The following MED16 variants were observed in gnomAD, a reference collection of about 807,000 sequenced individuals.
The protein encoded by MED16 is mediator complex subunit 16.
MED16 carries 81 observed loss-of-function variants against 84.4 expected under a neutral mutation model. The ratio of observed to expected loss-of-function variants is 0.96; its 90% confidence interval spans 0.80 to 1.15. The LOEUF is 1.15. Ranked by LOEUF, MED16 falls within the 50% of genes most tolerant of loss-of-function variation. The pLI, the probability that MED16 is intolerant of heterozygous loss-of-function variation, is 0.00. For synonymous variants in MED16, 897 were observed against 552.2 expected, an observed-to-expected ratio of 1.62 and a Z score of -8.76; for missense variants, 1,585 against 1,245.9, an observed-to-expected ratio of 1.27 and a Z score of -4.10.
At chr19:884,023 C>A (rs957594357) in intron 6 of MED16, among the ~76,000 whole-genome samples, 3 of 152,140 alleles carry the variant, frequency 2.0e-5, no homozygotes, top group Non-Finnish European at 4.4e-5. Context: ...GACATAACCA[C>A]CTGCAGGCCC....
At chr19:873,204 T>C (rs867643628) in intron 11 of MED16, 2 of 512,536 alleles carry the variant, frequency 3.9e-6, no homozygotes, top group Non-Finnish European at 6.4e-6. Flanking sequence ...GAAGTGGGGG[T>C]TTAAGAAGAG....
In MED16 at chr19:891,012, G is replaced by A. The variant is rs746287943; in HGVS notation, c.120C>T (p.Ser40=). The A allele has an allele frequency of 6.2e-7, 1 of 1,613,996 alleles. No homozygotes were observed. Among genetic ancestry groups the A allele is most frequent in the African/African-American group, 1.3e-5 (1 of 74,948 alleles). ...TGGTGAAGGCGATGAGATTTCGGCA[G>A]GACCAGGCGCAGGCCAGGGGCACCG... is the stretch of plus-strand genomic sequence containing the variant. ...CPSVPLACAW[S]CRNLIAFTMD... The change falls in exon 2 of 16, where the codon TCC becomes TCT. Residue 40 remains serine, a synonymous_variant. Coordinates refer to ENST00000325464, the MANE Select transcript of MED16 (RefSeq NM_005481.3).
rs1394960815 is a variant in MED16, at chr19:871,770, G to A, written c.2098+156C>T. ...TGTTTTGGTAGGGAGAGGGGAGCGGGGAGAGGGGAGAGGGGAGAGCGGGGA... is the reference window on the plus strand; with the variant it reads ...TGTTTTGGTAGGGAGAGGGGAGCGGAGAGAGGGGAGAGGGGAGAGCGGGGA... On this transcript the variant is annotated intron_variant, in intron 12 of 15. Coordinates refer to ENST00000325464, the MANE Select transcript of MED16 (RefSeq NM_005481.3). The A allele has an allele frequency of 4.0e-5, 18 of 444,722 alleles. 1 individual carries two copies. The highest frequency in any genetic ancestry group is 9.1e-5 in the Admixed American group (3 of 32,912). 27.5% of individuals were successfully genotyped at this position (444,722 alleles called of 1,614,324 possible). A position where few individuals can be genotyped will look rare whatever the true frequency, so the allele number is the denominator to read the frequency against.
rs568438330 is a variant in MED16, at chr19:886,188, C to T, written c.461G>A (p.Ser154Asn). The T allele has an allele frequency of 4.6e-6, 7 of 1,513,240 alleles. No individual in the cohort carries two copies. The African/African-American group carries it at 5.5e-5, about 12-fold the overall frequency. The allele number at this position is 1,513,240 out of a possible 1,614,324, so 93.7% of individuals were successfully genotyped here. ...ALHVEKSGAS[S>N]FGEKFSRVKF... ...GACTCGGGAGAACTTCTCCCCGAAG[C>T]TGGAGGCGCCCGACTGTGGAGAAGG... Residue 154 changes from serine (S) to asparagine (N), a missense_variant, in exon 5 of 16, where the codon AGC becomes AAC. By Grantham distance (46) the Ser-to-Asn change is conservative. Transcript: ENST00000325464.
rs1435323003 is a variant in MED16, at chr19:876,844, A to ACCTGC, written c.1560+129_1560+130insGCAGG. On this transcript the variant is annotated intron_variant, in intron 9 of 15. Coordinates refer to ENST00000325464, the MANE Select transcript of MED16 (RefSeq NM_005481.3). The stretch of plus-strand genomic sequence containing the variant: ...CACGGGGCCCCTGCCTGCCACAGGG[A>ACCTGC]CAGCCCCACCTGGCACGGGACCACC... The ACCTGC allele has an allele frequency of 1.2e-4, 101 of 816,932 alleles. No homozygotes were observed. In the African/African-American group the frequency reaches 1.7e-3, roughly 14 times the overall value. 50.6% of individuals were successfully genotyped at this position (816,932 alleles called of 1,614,324 possible). A position where few individuals can be genotyped will look rare whatever the true frequency, so the allele number is the denominator to read the frequency against.
At chr19:877,395 G>A (rs1393439682) in intron 8 of MED16, among the ~76,000 whole-genome samples, 2 of 152,150 alleles carry the variant, frequency 1.3e-5, no homozygotes, top group Admixed American at 6.5e-5. Flanking sequence ...ACCTCCCTGA[G>A]CCCCGACTGC....
At chr19:892,097 C>T (rs1011256596) in intron 1 of MED16, among the ~76,000 whole-genome samples, 3 of 152,170 alleles carry the variant, frequency 2.0e-5, no homozygotes, top group Non-Finnish European at 4.4e-5. Flanking sequence ...ACAGAGGGGG[C>T]ACCTCCTCGA....
rs990346244 is a variant in MED16, at chr19:873,562, T to C, written c.1792A>G (p.Asn598Asp). Reference sequence around the variant, plus strand: ...AGCACAAATTCCTCCGTCTTGAGGTTGATCATGACCTTGTCAATGTCTACA... The same window carrying C: ...AGCACAAATTCCTCCGTCTTGAGGTCGATCATGACCTTGTCAATGTCTACA... ...TDVDIDKVMI[N>D]LKTEEFVLDM... is the part of the protein sequence containing the mutation. The change falls in exon 11 of 16, where the codon AAC (asparagine) becomes GAC (aspartate). Residue 598 changes from asparagine to aspartate, a missense_variant. By Grantham distance (23) the Asn-to-Asp change is conservative (BLOSUM62 1). Transcript: ENST00000325464. 1 of 1,612,392 alleles carries C rather than the reference T, an allele frequency of 6.2e-7. No homozygotes were observed. The highest frequency in any genetic ancestry group is 1.1e-5 in the South Asian group (1 of 91,080).
In MED16 at chr19:881,727, G is replaced by A. The variant is rs770807105; in HGVS notation, c.986-13C>T. ...TGTTTGTCGCCAACTGAAAAATCAG[G>A]GGCAGGAAAACAGGAAGGCAATGGA... On this transcript the variant is annotated splice_polypyrimidine_tract_variant and intron_variant, in intron 6 of 15. Coordinates refer to ENST00000325464, the MANE Select transcript of MED16 (RefSeq NM_005481.3). The A allele has an allele frequency of 6.8e-6, 11 of 1,607,378 alleles. No individual in the cohort carries two copies. In the South Asian group the frequency reaches 1.1e-4, roughly 16 times the overall value.
Position 868,953 on chromosome 19 carries a change from G to C in MED16, c.2316-7C>G. On this transcript the variant is annotated splice_polypyrimidine_tract_variant and splice_region_variant and intron_variant, in intron 13 of 15. Coordinates refer to ENST00000325464, the MANE Select transcript of MED16 (RefSeq NM_005481.3). Reference sequence around the variant, plus strand: ...CTTGGGCTGGCCTGGGGCCCTGGCGGGAGAGGGGAGAACGTGAGGGAGGCC... The same window carrying C: ...CTTGGGCTGGCCTGGGGCCCTGGCGCGAGAGGGGAGAACGTGAGGGAGGCC... 1 of 1,533,744 alleles carries C rather than the reference G, an allele frequency of 6.5e-7. No homozygotes were observed. The highest frequency in any genetic ancestry group is 8.7e-7 in the Non-Finnish European group (1 of 1,147,482).
intron 6 of MED16, among the ~76,000 whole-genome samples, chr19:884,013 G>A (rs1203282862): frequency 6.6e-6 from 1 of 152,124 alleles, no homozygotes; most frequent in East Asian, 1.9e-4. Context: ...ATGGGCAGTT[G>A]ACATAACCAC....
chr19:874,845 G>A (rs2036190308), intron 10 of MED16, among the ~76,000 whole-genome samples: 1 of 152,056 alleles, frequency 6.6e-6, no homozygotes, highest in South Asian at 2.1e-4. Context: ...GCTGCAACCT[G>A]GATGACACAG....
intron 6 of MED16, among the ~76,000 whole-genome samples, chr19:882,491 T>C (rs1481888295): frequency 1.3e-5 from 2 of 152,082 alleles, no homozygotes; most frequent in Non-Finnish European, 2.9e-5. Flanking sequence ...GCCACTGCAC[T>C]CCAGCCTGGG....
intron 8 of MED16, among the ~76,000 whole-genome samples, chr19:878,687 ACCCCACGT>A (rs2036331954): frequency 3.1e-4 from 2 of 6,366 alleles, no homozygotes; most frequent in Admixed American, 1.5e-3. Flanking sequence ...AACAGCCCCA[ACCCCACGT>A]GCCCCAGCAG....
In MED16 at chr19:884,035, G is replaced by A. The variant is rs536660271; in HGVS notation, c.985+868C>T. 7.9e-5 allele frequency among the ~76,000 whole-genome samples: 12 copies of A among 152,208 alleles called. 1 individual carries two copies. The East Asian group carries it at 9.7e-4, about 12-fold the overall frequency. On this transcript the variant is annotated intron_variant, in intron 6 of 15. Transcript: ENST00000325464. Reference sequence around the variant, plus strand: ...GTTGACATAACCACCTGCAGGCCCCGGGAGCCATCGGGGCCTCTTGACACG... The same window carrying A: ...GTTGACATAACCACCTGCAGGCCCCAGGAGCCATCGGGGCCTCTTGACACG...
chr19:881,775 G>A (rs577641092), intron 6 of MED16, 61 bp from the exon 7 acceptor site: 37 of 1,564,260 alleles, frequency 2.4e-5, no homozygotes, highest in African/African-American at 4.0e-5. Context: ...TGAGACAGCC[G>A]CAGGAGTCCA....
chr19:892,675 TAACCCCGCAGTCTCC>T (rs2036661684), intron 1 of MED16: 1 of 52,878 alleles, frequency 1.9e-5, no homozygotes, highest in Admixed American at 1.5e-4. Flanking sequence ...CCCGCACCGA[TAACCCCGCAGTCTCC>T]AGGCCCTGCC....
At chr19:878,617 C>G (rs1437063100) in intron 8 of MED16, among the ~76,000 whole-genome samples, 1 of 88,966 alleles carries the variant, frequency 1.1e-5, no homozygotes, top group Non-Finnish European at 2.4e-5. Context: ...CAACGCCCAC[C>G]AGCCACAACC....
chr19:869,055 A>C, intron 13 of MED16, 109 bp from the exon 14 acceptor site: 1 of 953,914 alleles, frequency 1.0e-6, no homozygotes, highest in Non-Finnish European at 1.5e-6. Flanking sequence ...GCCTCACACC[A>C]TCTGCCAGGT....
Sources: allele counts gnomAD v4.1 joint callset (sites outside exome capture counted in the v4.1 genomes callset), GRCh38; gene constraint gnomAD v4.1.1; transcripts MANE v1.5; gene names NCBI Gene and HGNC (gene_info 2026-07-23, HGNC 2026-07-21).